ADAMTS2: variants seen among roughly 807,000 people sequenced by gnomAD.
ADAMTS2 encodes ADAM metallopeptidase with thrombospondin type 1 motif 2, also known as A disintegrin and metalloproteinase with thrombospondin motifs 2.
Under a neutral mutation model 123.0 loss-of-function variants are expected in ADAMTS2, and 50 were observed. The observed-to-expected ratio is 0.41, with a 90% confidence interval of 0.32 to 0.51. ADAMTS2 has a LOEUF of 0.51. Among genes scored for constraint, ADAMTS2 ranks in the 20% least tolerant of loss-of-function variants. The probability of loss-of-function intolerance (pLI) is 0.35; values close to 1 mark genes in which losing one functional copy is unlikely to be tolerated. For missense variants in ADAMTS2, 1,494 were observed against 1,705.2 expected (o/e 0.88, Z 2.18); for synonymous variants, 678 against 695.4 (o/e 0.98, Z 0.39).
chr5:179,295,974 G>A (rs1038672644), intron 2 of ADAMTS2, among the ~76,000 whole-genome samples: 1 of 152,234 alleles, frequency 6.6e-6, no homozygotes, highest in Admixed American at 6.5e-5. Context: ...CCCACTGCAG[G>A]AGGAAATGCC....
At chr5:179,205,565 C>T (rs1764661887) in intron 4 of ADAMTS2, among the ~76,000 whole-genome samples, 1 of 152,192 alleles carries the variant, frequency 6.6e-6, no homozygotes, top group African/African-American at 2.4e-5. Flanking sequence ...AGTCCTTTCC[C>T]CGCTGGGTTG....
intron 10 of ADAMTS2, among the ~76,000 whole-genome samples, chr5:179,140,988 TA>T (rs1183460542): frequency 1.3e-5 from 2 of 149,482 alleles, no homozygotes; most frequent in African/African-American, 2.5e-5. Context: ...TTTTTTTTTT[TA>T]TTTTTAGTAG....
In ADAMTS2 at chr5:179,203,426, T is replaced by A. The variant is rs1416718237; in HGVS notation, c.891+4087A>T. ...TGCCACGTCTGTCCTTCCATGCTTT[T>A]GCTTTCGCTCCAGCCACGGGGAGCC... On this transcript the variant is annotated intron_variant, in intron 4 of 21. Coordinates refer to ENST00000251582, the MANE Select transcript of ADAMTS2 (RefSeq NM_014244.5). Among the ~76,000 whole-genome samples, 7 of 152,368 alleles carry A rather than the reference T, an allele frequency of 4.6e-5. No individual in the cohort carries two copies. In the East Asian group the frequency reaches 1.4e-3, roughly 29 times the overall value.
intron 4 of ADAMTS2, among the ~76,000 whole-genome samples, chr5:179,201,631 C>CAA (rs58141791): frequency 0.32 from 29,174 of 91,596 alleles, 4,523 homozygotes; most frequent in East Asian, 0.54. Context: ...ACTAAAAATA[C>CAA]AAAAAAAAAA....
chr5:179,123,466 C>T (rs2113183550), intron 19 of ADAMTS2, among the ~76,000 whole-genome samples: 1 of 152,326 alleles, frequency 6.6e-6, no homozygotes, highest in East Asian at 1.9e-4. Context: ...CGCTGTGTGG[C>T]CCAGGCTGGA....
rs1019135632 is a variant in ADAMTS2, at chr5:179,214,231, G to A, written c.689-6516C>T. On this transcript the variant is annotated intron_variant, in intron 3 of 21. Transcript: ENST00000251582. ...CACATTAGGACACAACTCAAAAATC[G>A]TGCCCACAGTCACCATTACTGAGAC... 1.5e-4 allele frequency among the ~76,000 whole-genome samples: 14 copies of A among 91,646 alleles called. 1 individual carries two copies. The highest frequency in any genetic ancestry group is 3.2e-4 in the Non-Finnish European group (12 of 36,992). 60.1% of individuals were successfully genotyped at this position (91,646 alleles called of 152,430 possible).
In ADAMTS2 at chr5:179,303,757, A is replaced by G. The variant is rs1205076530; in HGVS notation, c.535-30693T>C. Among the ~76,000 whole-genome samples the G allele has an allele frequency of 6.6e-6, 1 of 152,116 alleles. No individual in the cohort carries two copies. The highest frequency in any genetic ancestry group is 1.5e-5 in the Non-Finnish European group (1 of 68,002). On this transcript the variant is annotated intron_variant, in intron 2 of 21. Coordinates refer to ENST00000251582, the MANE Select transcript of ADAMTS2 (RefSeq NM_014244.5). The surrounding 1 kb of genome is among the most constrained non-coding windows in gnomAD (Gnocchi z 4.7). ...GTAGCTGGAAGTGCTGTGGTCCTAG[A>G]AAGGTGGAGTGAAACCCCATTGCTC...
At chr5:179,257,901 A>G (rs889187990) in intron 3 of ADAMTS2, among the ~76,000 whole-genome samples, 1 of 152,096 alleles carries the variant, frequency 6.6e-6, no homozygotes, top group African/African-American at 2.4e-5. Flanking sequence ...AAATGAAGAG[A>G]TTGTAAGTAA....
chr5:179,221,394 G>A (rs1005798798), intron 3 of ADAMTS2, among the ~76,000 whole-genome samples: 2 of 152,160 alleles, frequency 1.3e-5, no homozygotes, highest in African/African-American at 2.4e-5. Context: ...CCAGGGCCCT[G>A]GCCCAGCTGA....
At chr5:179,179,274 T>C (rs1167425585) in intron 5 of ADAMTS2, among the ~76,000 whole-genome samples, 1 of 151,274 alleles carries the variant, frequency 6.6e-6, no homozygotes, top group African/African-American at 2.4e-5. Flanking sequence ...TTTTTTAATG[T>C]TTTCAAATGA....
chr5:179,131,157 C>T (rs1240854623), intron 15 of ADAMTS2, among the ~76,000 whole-genome samples: 1 of 151,228 alleles, frequency 6.6e-6, no homozygotes, highest in African/African-American at 2.4e-5. Context: ...GTAAAAAATA[C>T]AAAAAATTAG....
intron 2 of ADAMTS2, among the ~76,000 whole-genome samples, chr5:179,318,530 G>C (rs963177046): frequency 1.3e-5 from 2 of 152,236 alleles, no homozygotes; most frequent in African/African-American, 4.8e-5. Context: ...GGCTGGTGGG[G>C]AAGAAGCCAA....
chr5:179,322,248 G>T (rs1757204019), intron 2 of ADAMTS2, among the ~76,000 whole-genome samples: 5 of 152,234 alleles, frequency 3.3e-5, no homozygotes. Flanking sequence ...CCGGTGCTGG[G>T]AATGCCAAAA....
chr5:179,131,139 C>T (rs940435216), intron 15 of ADAMTS2, among the ~76,000 whole-genome samples: 3 of 151,568 alleles, frequency 2.0e-5, no homozygotes, highest in Admixed American at 2.0e-4. Flanking sequence ...GGTGAAACCC[C>T]GTCTCTAGTA....
chr5:179,329,207 G>A (rs76493103), intron 2 of ADAMTS2, among the ~76,000 whole-genome samples: 18,837 of 151,760 alleles, frequency 0.12, 1,494 homozygotes, highest in Non-Finnish European at 0.18. Context: ...GGCGCCTGTA[G>A]TCCCAGCTAC....
rs76617916 is a variant in ADAMTS2 at position 179,192,652 on chromosome 5, C to T, written c.892-11497G>A. Reference sequence around the variant, plus strand: ...CCCCCAGGCCAGGCTCCCTGCCAGGCGCGGGTGGGAGGTCTTGCAGGCTGC... The same window carrying T: ...CCCCCAGGCCAGGCTCCCTGCCAGGTGCGGGTGGGAGGTCTTGCAGGCTGC... On this transcript the variant is annotated intron_variant, in intron 4 of 21. Coordinates refer to ENST00000251582, the MANE Select transcript of ADAMTS2 (RefSeq NM_014244.5). Among the ~76,000 whole-genome samples the T allele has an allele frequency of 4.2e-3, 641 of 152,334 alleles. 8 individuals carry two copies. The highest frequency in any genetic ancestry group is 0.014 in the African/African-American group (600 of 41,580).
Position 179,225,119 on chromosome 5 carries a change from T to A in ADAMTS2, c.689-17404A>T, listed in dbSNP as rs371864471. On this transcript the variant is annotated intron_variant, in intron 3 of 21. Coordinates refer to ENST00000251582, the MANE Select transcript of ADAMTS2 (RefSeq NM_014244.5). The surrounding 1 kb of genome is among the most constrained non-coding windows in gnomAD (Gnocchi z 4.5). ...ACGCAGGGGCCTGAGGAACACTCCC[T>A]GGTTATCCACACGGCAACTAACACT... Among the ~76,000 whole-genome samples the A allele has an allele frequency of 6.6e-6, 1 of 152,302 alleles. No individual in the cohort carries two copies. Among genetic ancestry groups the A allele is most frequent in the African/African-American group, 2.4e-5 (1 of 41,572 alleles).
intron 2 of ADAMTS2, among the ~76,000 whole-genome samples, chr5:179,280,314 G>A (rs1403491862): frequency 1.3e-5 from 2 of 152,196 alleles, no homozygotes; most frequent in Non-Finnish European, 2.9e-5. Context: ...GGCGAGGCAG[G>A]CAGGGAGAGT....
rs116471632 is a variant in ADAMTS2, at chr5:179,219,306, C to G, written c.689-11591G>C. 2.9e-3 allele frequency among the ~76,000 whole-genome samples: 439 copies of G among 152,296 alleles called. 2 individuals carry two copies. Among genetic ancestry groups the G allele is most frequent in the African/African-American group, 0.01 (417 of 41,568 alleles). ...CCAGCTATGGCTGAAGGTGATGCAC[C>G]CCTGGACATCCTAATTCTTCAGGTC... On this transcript the variant is annotated intron_variant, in intron 3 of 21. Transcript: ENST00000251582.
Sources: gnomAD v4.1 joint callset for allele counts (sites outside exome capture counted in the v4.1 genomes callset) on GRCh38, gnomAD v4.1.1 for gene constraint, Gnocchi (gnomAD v3.1) non-coding constraint, MANE v1.5 for transcripts, NCBI Gene and HGNC (gene_info 2026-07-23, HGNC 2026-07-21) for gene names.